PTPRK: variants seen among roughly 807,000 people sequenced by gnomAD.
The protein encoded by PTPRK is protein tyrosine phosphatase receptor type K.
Under a neutral mutation model 178.0 loss-of-function variants are expected in PTPRK, and 75 were observed. The ratio of observed to expected loss-of-function variants is 0.42; its 90% CI spans 0.35 to 0.51. The LOEUF is 0.51. Ranked by LOEUF, PTPRK falls within the 20% of genes least tolerant of loss-of-function variation. The probability of loss-of-function intolerance (pLI) is 0.02; values close to 1 mark genes in which losing one functional copy is unlikely to be tolerated. For synonymous variants in PTPRK, 637 were observed against 620.6 expected, an observed-to-expected ratio of 1.03 and a Z score of -0.39; for missense variants, 1,441 against 1,797.8, an observed-to-expected ratio of 0.80 and a Z score of 3.59.
At chr6:128,005,915 A>C (rs1303491488) in intron 14 of PTPRK, 3 of 781,392 alleles carry the variant, frequency 3.8e-6, no homozygotes, top group Non-Finnish European at 5.7e-6. Flanking sequence ...AGTCTGAAAA[A>C]ACTTTTTTTT....
At chr6:128,298,013 T>A (rs540526638) in intron 3 of PTPRK, among the ~76,000 whole-genome samples, 1,678 of 151,878 alleles carry the variant, frequency 0.011, 36 homozygotes, top group African/African-American at 0.038. Flanking sequence ...AGAAGAATCA[T>A]ATAGATGCAA....
At chr6:128,239,999 G>A (rs1452186340) in intron 5 of PTPRK, 36 bp downstream of exon 5, 1 of 1,489,702 alleles carries the variant, frequency 6.7e-7, no homozygotes, top group Non-Finnish European at 9.4e-7. Context: ...AAAACATAAA[G>A]TATACTCTTT....
intron 29 of PTPRK, among the ~76,000 whole-genome samples, 193 bp from the exon 30 acceptor site, chr6:127,970,473 A>G (rs992664677): frequency 3.3e-5 from 5 of 152,118 alleles, no homozygotes; most frequent in African/African-American, 9.7e-5. Context: ...AGAAAAAGGA[A>G]ATTTATCTTA....
At chr6:128,243,417 G>T (rs1814827345) in intron 3 of PTPRK, among the ~76,000 whole-genome samples, 1 of 149,332 alleles carries the variant, frequency 6.7e-6, no homozygotes, top group South Asian at 2.1e-4. Flanking sequence ...ACTTTGGGAG[G>T]CTGAGGCAGG....
rs576808603 is a variant in PTPRK, at chr6:128,165,897, C to T, written c.1162+18535G>A. Among the ~76,000 whole-genome samples, 49 of 151,532 alleles carry T rather than the reference C, an allele frequency of 3.2e-4. 1 individual carries two copies. The highest frequency in any genetic ancestry group is 8.2e-4 in the African/African-American group (34 of 41,464). ...AGATGATACAAAAATAAAACATATA[C>T]GTAAAAAACATTTAAAACTAAAAAT... On this transcript the variant is annotated intron_variant, in intron 7 of 29. Coordinates refer to ENST00000368226, the MANE Select transcript of PTPRK (RefSeq NM_002844.4).
chr6:128,402,444 G>C (rs1462701553), intron 1 of PTPRK, among the ~76,000 whole-genome samples: 1 of 151,976 alleles, frequency 6.6e-6, no homozygotes, highest in African/African-American at 2.4e-5. Context: ...GTAGAGACGG[G>C]GTTTCACCAT....
intron 13 of PTPRK, among the ~76,000 whole-genome samples, chr6:128,029,847 A>G (rs929043577): frequency 2.6e-5 from 4 of 152,102 alleles, no homozygotes; most frequent in African/African-American, 9.7e-5. Flanking sequence ...GAAAGAATCT[A>G]TACTCTCAAA....
chr6:128,276,859 AT>A (rs1054089302), intron 3 of PTPRK, among the ~76,000 whole-genome samples: 1 of 152,082 alleles, frequency 6.6e-6, no homozygotes, highest in African/African-American at 2.4e-5. Flanking sequence ...TGGCATTTAA[AT>A]TTTTTTCCAT....
At chr6:128,024,636 C>T (rs1008486676) in intron 13 of PTPRK, among the ~76,000 whole-genome samples, 1 of 151,920 alleles carries the variant, frequency 6.6e-6, no homozygotes, top group African/African-American at 2.4e-5. Context: ...TGGTGAAACC[C>T]CATCTCTACT....
At chr6:127,971,247 A>T (rs4559105) in intron 29 of PTPRK, among the ~76,000 whole-genome samples, 32,600 of 151,744 alleles carry the variant, frequency 0.21, 4,112 homozygotes, top group Non-Finnish European at 0.28. Flanking sequence ...CATATCATAA[A>T]CTATTACTTA....
At chr6:128,194,594 T>C (rs1275304912) in intron 6 of PTPRK, among the ~76,000 whole-genome samples, 5 of 152,104 alleles carry the variant, frequency 3.3e-5, no homozygotes, top group African/African-American at 1.2e-4. Flanking sequence ...GAAAAGAACA[T>C]CCAGTTGATT....
rs989967487 is a variant in PTPRK, at chr6:128,220,106, A to G, written c.694-1010T>C. On this transcript the variant is annotated intron_variant, in intron 5 of 29. Coordinates refer to ENST00000368226, the MANE Select transcript of PTPRK (RefSeq NM_002844.4). ...AGTATAAACTAATAGGAAATGACTGAAAAAAATTCAACTATAAAAAATTTA... is the reference window on the plus strand; with the variant it reads ...AGTATAAACTAATAGGAAATGACTGGAAAAAATTCAACTATAAAAAATTTA... Among the ~76,000 whole-genome samples, 3 of 152,314 alleles carry G rather than the reference A, an allele frequency of 2.0e-5. No homozygotes were observed. In the South Asian group the frequency reaches 6.2e-4, roughly 32 times the overall value.
intron 7 of PTPRK, among the ~76,000 whole-genome samples, chr6:128,148,855 A>G (rs1347220159): frequency 6.6e-6 from 1 of 152,142 alleles, no homozygotes; most frequent in Non-Finnish European, 1.5e-5. Flanking sequence ...TAGTGTATAG[A>G]AAATTTATTT....
At chr6:128,414,622 C>A (rs1389829162) in intron 1 of PTPRK, among the ~76,000 whole-genome samples, 1 of 152,052 alleles carries the variant, frequency 6.6e-6, no homozygotes, top group African/African-American at 2.4e-5. Context: ...GAGATTTGTT[C>A]TTTTATTGTT....
At chr6:128,369,911 G>GA (rs199690605) in intron 2 of PTPRK, among the ~76,000 whole-genome samples, 6 of 149,654 alleles carry the variant, frequency 4.0e-5, no homozygotes, top group African/African-American at 4.9e-5. Context: ...TCTTGTAAGA[G>GA]AAAAAAAAAC....
chr6:128,454,714 C>T (rs1274238862), intron 1 of PTPRK, among the ~76,000 whole-genome samples: 1 of 152,134 alleles, frequency 6.6e-6, no homozygotes. Flanking sequence ...CAGCACTGTT[C>T]TTTTGTGTAG....
intron 1 of PTPRK, among the ~76,000 whole-genome samples, chr6:128,472,418 A>ACCC (rs1491395661): frequency 1.4e-4 from 13 of 94,180 alleles, no homozygotes; most frequent in Admixed American, 9.2e-4. Context: ...TGAATTTTTG[A>ACCC]CACCCCCCCC....
chr6:128,228,244 G>A (rs189297285), intron 5 of PTPRK, among the ~76,000 whole-genome samples: 46 of 152,072 alleles, frequency 3.0e-4, no homozygotes, highest in Non-Finnish European at 4.6e-4. Flanking sequence ...TTAGAATAAG[G>A]AGAATAAAAA....
chr6:128,070,130 T>A (rs139170970), intron 11 of PTPRK, among the ~76,000 whole-genome samples: 1 of 152,242 alleles, frequency 6.6e-6, no homozygotes, highest in East Asian at 1.9e-4. Context: ...TTTAATCTTA[T>A]ATATCTTTTC....
Sources: allele counts gnomAD v4.1 joint callset (sites outside exome capture counted in the v4.1 genomes callset), GRCh38; gene constraint gnomAD v4.1.1; transcripts MANE v1.5; gene names NCBI Gene and HGNC (gene_info 2026-07-23, HGNC 2026-07-21).